Variants in KHSRP observed in about 807,000 individuals in gnomAD.
KHSRP encodes the protein far upstream element-binding protein 2.
KHSRP carries 13 observed loss-of-function variants against 94.9 expected under a neutral mutation model. The ratio of observed to expected loss-of-function variants is 0.14; its 90% confidence interval spans 0.09 to 0.22. The LOEUF is 0.22. Ranked by LOEUF, KHSRP falls within the 10% of genes least tolerant of loss-of-function variation. The pLI, the probability that KHSRP is intolerant of heterozygous loss-of-function variation, is 1.00. For synonymous variants in KHSRP, 495 were observed against 401.4 expected (o/e 1.23, Z -2.79); for missense variants, 710 against 1,010.0 (o/e 0.70, Z 4.03).
chr19:6,415,328 G>C (rs1244978523), intron 18 of KHSRP, 27 bp from the exon 19 acceptor site: 3 of 1,613,368 alleles, frequency 1.9e-6, no homozygotes, highest in African/African-American at 2.7e-5. Flanking sequence ...GCAGGTGAGA[G>C]GCTGTGGGTG....
chr19:6,415,291 G>A lies in KHSRP; in HGVS notation c.1977C>T (p.Ala659=), dbSNP rs761309702. The A allele has an allele frequency of 1.9e-6, 3 of 1,613,162 alleles. No individual in the cohort carries two copies. In the South Asian group the frequency reaches 3.3e-5, roughly 18 times the overall value. The part of the protein sequence containing the change: ...EEYYKKQAQV[A]TGGGPGAPPG... The stretch of plus-strand genomic sequence containing the variant: ...GGGGAGCTCCTGGACCCCCTCCGGT[G>A]GCCACTTGCGCTGTGGGTGGACAAA... Residue 659 remains alanine, a synonymous_variant, in exon 19 of 19, where the codon GCC becomes GCT. Transcript: ENST00000600480.
chr19:6,420,276 C>T, intron 5 of KHSRP, 132 bp from the exon 6 acceptor site: 1 of 1,157,786 alleles, frequency 8.6e-7, no homozygotes, highest in East Asian at 2.5e-5. Context: ...AGCTCCTGTC[C>T]TCTGCCCAGA....
intron 6 of KHSRP, 104 bp downstream of exon 6, chr19:6,419,969 G>C (rs975175272): frequency 1.2e-6 from 1 of 868,890 alleles, no homozygotes; most frequent in Non-Finnish European, 1.9e-6. Context: ...ACAAGCGCCA[G>C]CTCGCTTCCT....
rs956892730 is a variant in KHSRP at position 6,414,309 on chromosome 19, A to C, written c.*715T>G. ...GCCAGGTGCTCGCGGGACTCGCTGA[A>C]GTCACGCTGCTCCCTGATGGAGAAG... On this transcript the variant is annotated 3_prime_UTR_variant, in exon 19 of 19. Coordinates refer to ENST00000600480, the MANE Select transcript of KHSRP (RefSeq NM_001366299.1). 2 of 1,392,578 alleles carry C rather than the reference A, an allele frequency of 1.4e-6. No individual in the cohort carries two copies. Among genetic ancestry groups the C allele is most frequent in the Non-Finnish European group, 1.9e-6 (2 of 1,066,562 alleles). The allele number at this position is 1,392,578 out of a possible 1,614,324, so 86.3% of individuals were successfully genotyped here. A position where few individuals can be genotyped will look rare whatever the true frequency, so the allele number is the denominator to read the frequency against.
chr19:6,415,036 C>T lies in KHSRP; in HGVS notation c.2232G>A (p.Gly744=), dbSNP rs2092132836. Residue 744 remains glycine, a synonymous_variant, in exon 19 of 19, where the codon GGG becomes GGA. Transcript: ENST00000600480. ...VGSAGNPFPC[G]VCP The stretch of plus-strand genomic sequence containing the variant: ...CCCGCTGCAGGCATCAAGGGCACAC[C>T]CCGCAGGGGAAGGGGTTTCCGGCGC... 2 of 1,514,900 alleles carry T rather than the reference C, an allele frequency of 1.3e-6. No homozygotes were observed. Among genetic ancestry groups the T allele is most frequent in the East Asian group, 4.7e-5 (2 of 42,320 alleles). 93.8% of individuals were successfully genotyped at this position (1,514,900 alleles called of 1,614,324 possible).
chr19:6,417,704 G>A (rs1432834776), intron 11 of KHSRP, 35 bp downstream of exon 11: 22 of 1,566,920 alleles, frequency 1.4e-5, no homozygotes, highest in Middle Eastern at 1.7e-4. Context: ...GGGTGGGGGT[G>A]CACTGGCCAG....
At position 6,414,307 on chromosome 19, in the gene KHSRP, GAA is replaced by G. The variant is rs1463793105; in HGVS notation, c.*715_*716del. ...TAGCCAGGTGCTCGCGGGACTCGCT[GAA>G]GTCACGCTGCTCCCTGATGGAGAAG... On this transcript the variant is annotated 3_prime_UTR_variant, in exon 19 of 19. Coordinates refer to ENST00000600480, the MANE Select transcript of KHSRP (RefSeq NM_001366299.1). 9 of 1,393,132 alleles carry G rather than the reference GAA, an allele frequency of 6.5e-6. No homozygotes were observed. In the Admixed American group the frequency reaches 1.9e-4, roughly 29 times the overall value. 86.3% of individuals were successfully genotyped at this position (1,393,132 alleles called of 1,614,324 possible). A position where few individuals can be genotyped will look rare whatever the true frequency, so the allele number is the denominator to read the frequency against.
chr19:6,419,571 G>A lies in KHSRP; in HGVS notation c.548-311C>T, dbSNP rs537097000. 5.9e-5 allele frequency among the ~76,000 whole-genome samples: 9 copies of A among 152,278 alleles called. No individual in the cohort carries two copies. The East Asian group carries it at 1.5e-3, about 26-fold the overall frequency. On this transcript the variant is annotated intron_variant, in intron 6 of 18. Coordinates refer to ENST00000600480, the MANE Select transcript of KHSRP (RefSeq NM_001366299.1). ...CCAGAGCCGCTTCTATAGACAACAC[G>A]TGCTACACGCCCAAGGAAGCCTCAG...
At position 6,415,010 on chromosome 19, in the gene KHSRP, C is replaced by T. The variant is rs528633195; in HGVS notation, c.*14G>A. On this transcript the variant is annotated 3_prime_UTR_variant, in exon 19 of 19. Transcript: ENST00000600480. ...TCCCGGAGACCTCCGGCCACACGGC[C>T]CCCGCTGCAGGCATCAAGGGCACAC... 4.8e-6 allele frequency: 7 copies of T among 1,457,802 alleles called. No individual in the cohort carries two copies. The South Asian group carries it at 8.5e-5, about 18-fold the overall frequency. 90.3% of individuals were successfully genotyped at this position (1,457,802 alleles called of 1,614,324 possible).
rs2289785 is a variant in KHSRP at position 6,417,918 on chromosome 19, C to T, written c.978+63G>A. 56 of 1,601,596 alleles carry T rather than the reference C, an allele frequency of 3.5e-5. No individual in the cohort carries two copies. In the East Asian group the frequency reaches 1.2e-3, roughly 35 times the overall value. On this transcript the variant is annotated intron_variant, in intron 10 of 18. Transcript: ENST00000600480. Reference sequence around the variant, plus strand: ...GCTGCCCACTGGCCACAAGGAGCCACTCACCCCGGCCCCTCCCTCCACTGG... The same window carrying T: ...GCTGCCCACTGGCCACAAGGAGCCATTCACCCCGGCCCCTCCCTCCACTGG...
At position 6,414,064 on chromosome 19, in the gene KHSRP, GAA is replaced by G. The variant is rs762981895; in HGVS notation, c.*958_*959del. The G allele has an allele frequency of 2.9e-6, 4 of 1,393,870 alleles. No individual in the cohort carries two copies. Among genetic ancestry groups the G allele is most frequent in the South Asian group, 1.3e-5 (1 of 77,388 alleles). 86.3% of individuals were successfully genotyped at this position (1,393,870 alleles called of 1,614,324 possible). A position where few individuals can be genotyped will look rare whatever the true frequency, so the allele number is the denominator to read the frequency against. The stretch of plus-strand genomic sequence containing the variant: ...AGAAGCCCCCAAACAGAACAAAATG[GAA>G]AAAAAAAAGATTTTTCACAGATGAA... On this transcript the variant is annotated 3_prime_UTR_variant, in exon 19 of 19. Transcript: ENST00000600480.
intron 15 of KHSRP, 130 bp downstream of exon 15, chr19:6,416,168 G>GT: frequency 1.4e-6 from 1 of 718,578 alleles, no homozygotes; most frequent in Non-Finnish European, 2.3e-6. Context: ...CCTGTTGATG[G>GT]TATCCACAAA....
Position 6,424,621 on chromosome 19 carries a change from CCCGGCGCCT to C in KHSRP, c.72_80del (p.Ala26_Gly28del), listed in dbSNP as rs1394413047. 708 of 974,548 alleles carry C rather than the reference CCCGGCGCCT, an allele frequency of 7.3e-4. No individual in the cohort carries two copies. The highest frequency in any genetic ancestry group is 8.4e-4 in the Non-Finnish European group (687 of 822,610). The allele number at this position is 974,548 out of a possible 1,614,324, so 60.4% of individuals were successfully genotyped here. ...CTGGCGGGCCCGGCGGAGGGCCTCC[CCCGGCGCCT>C]CCGGCTCCCCCGCCCCCGCCGGCGG... On this transcript the variant is annotated inframe_deletion, in exon 1 of 19. Transcript: ENST00000600480.
chr19:6,417,614 G>C, intron 11 of KHSRP, 125 bp downstream of exon 11: 1 of 706,154 alleles, frequency 1.4e-6, no homozygotes, highest in Admixed American at 2.2e-5. Context: ...TCTGACGGCT[G>C]GACTAAGAGC....
chr19:6,418,768 G>C lies in KHSRP; in HGVS notation c.714C>G (p.Ile238Met). ...NGGQNGTVQE[I>M]MIPAGKAGLV... Reference sequence around the variant, plus strand: ...GGCCGGCCTTGCCCGCGGGGATCATGATCTCCTGCACGGTGCCGTTCTGGC... The same window carrying C: ...GGCCGGCCTTGCCCGCGGGGATCATCATCTCCTGCACGGTGCCGTTCTGGC... Residue 238 changes from isoleucine to methionine, a missense_variant, in exon 8 of 19, where the codon ATC becomes ATG. By Grantham distance (10) the Ile-to-Met change is conservative (BLOSUM62 1). Transcript: ENST00000600480. This position sits in a 1 kb window ranked among gnomAD's most constrained non-coding sequence, Gnocchi z 4.3. The C allele has an allele frequency of 1.9e-6, 3 of 1,612,688 alleles. No individual in the cohort carries two copies. The highest frequency in any genetic ancestry group is 1.3e-5 in the African/African-American group (1 of 74,968).
chr19:6,421,204 C>T, intron 4 of KHSRP, 74 bp downstream of exon 4: 1 of 1,388,904 alleles, frequency 7.2e-7, no homozygotes, highest in Non-Finnish European at 1.0e-6. Context: ...CAGTCAGAGC[C>T]CTCCCAAGTC....
chr19:6,419,136 T>G, intron 7 of KHSRP, 67 bp downstream of exon 7: 1 of 1,470,810 alleles, frequency 6.8e-7, no homozygotes, highest in Non-Finnish European at 9.3e-7. Flanking sequence ...CAACTTTCAA[T>G]TCAAACGGAC....
intron 11 of KHSRP, among the ~76,000 whole-genome samples, chr19:6,417,310 C>A (rs898616956): frequency 4.6e-5 from 7 of 152,230 alleles, no homozygotes; most frequent in Non-Finnish European, 2.9e-5. Flanking sequence ...CTTCTTCCAG[C>A]ACACAGCACC....
At position 6,414,387 on chromosome 19, in the gene KHSRP, G is replaced by T; in HGVS notation, c.*637C>A. The T allele has an allele frequency of 7.6e-7, 1 of 1,317,260 alleles. No individual in the cohort carries two copies. The highest frequency in any genetic ancestry group is 9.7e-7 in the Non-Finnish European group (1 of 1,032,486). 81.6% of individuals were successfully genotyped at this position (1,317,260 alleles called of 1,614,324 possible). On this transcript the variant is annotated 3_prime_UTR_variant, in exon 19 of 19. Transcript: ENST00000600480. The stretch of plus-strand genomic sequence containing the variant: ...GGGCCGCGGAGGGCGGAGGCGCTAG[G>T]GTCGTAGGGGAGCTGCCCTGTCTCC...
Sources: gnomAD v4.1 joint callset for allele counts (sites outside exome capture counted in the v4.1 genomes callset) on GRCh38, gnomAD v4.1.1 for gene constraint, Gnocchi (gnomAD v3.1) non-coding constraint, MANE v1.5 for transcripts, NCBI Gene and HGNC (gene_info 2026-07-23, HGNC 2026-07-21) for gene names.